H1-4: variants seen among roughly 807,000 people sequenced by gnomAD.
H1-4 encodes histone H1.4.
A neutral mutation model predicts 7.2 loss-of-function variants in H1-4; 9 were observed. The ratio of observed to expected loss-of-function variants is 1.25; its 90% CI spans 0.75 to 2.18. The LOEUF is 2.18. Among genes scored for constraint, H1-4 ranks in the 30% most tolerant of loss-of-function variants. The pLI is 0.00. For missense variants in H1-4, 646 were observed against 287.9 expected (o/e 2.24, Z -9.00); for synonymous variants, 318 against 126.6 (o/e 2.51, Z -10.15).
At position 26,156,387 on chromosome 6, in the gene H1-4, C is replaced by G. The variant is rs367916158; in HGVS notation, c.-4C>G. 6.4e-7 allele frequency: 1 copy of G among 1,562,766 alleles called. No individual in the cohort carries two copies. The highest frequency in any genetic ancestry group is 8.6e-7 in the Non-Finnish European group (1 of 1,157,042). ...AATTGCTCTCGCTCACGCTTGCCTT[C>G]AACATGTCCGAGACTGCGCCTGCCG... On this transcript the variant is annotated 5_prime_UTR_variant, in exon 1 of 1. Transcript: ENST00000304218.
In H1-4 at chr6:26,156,503, C is replaced by T. The variant is rs771979983; in HGVS notation, c.113C>T (p.Pro38Leu). The change falls in exon 1 of 1, where the codon CCC (proline) becomes CTC (leucine). Residue 38 changes from proline to leucine, a missense_variant. Transcript: ENST00000304218. ...AGAAKRKASG[P>L]PVSELITKAV... is the part of the protein sequence containing the mutation. ...GCGGCCAAGCGCAAAGCGTCTGGGCCCCCGGTGTCCGAGCTCATTACTAAA... is the reference window on the plus strand; with the variant it reads ...GCGGCCAAGCGCAAAGCGTCTGGGCTCCCGGTGTCCGAGCTCATTACTAAA... 1.1e-5 allele frequency: 18 copies of T among 1,613,636 alleles called. No individual in the cohort carries two copies. Among genetic ancestry groups the T allele is most frequent in the East Asian group, 2.2e-5 (1 of 44,876 alleles).
In H1-4 at chr6:26,156,465, C is replaced by G. The variant is rs374113105; in HGVS notation, c.75C>G (p.Arg25=). 1.6e-5 allele frequency: 25 copies of G among 1,612,702 alleles called. No individual in the cohort carries two copies. In the African/African-American group the frequency reaches 2.9e-4, roughly 19 times the overall value. ...AEKTPVKKKA[R]KSAGAAKRKA... ...AGACTCCCGTGAAGAAGAAGGCCCG[C>G]AAGTCTGCAGGTGCGGCCAAGCGCA... Residue 25 remains arginine, a synonymous_variant, in exon 1 of 1, where the codon CGC becomes CGG. Transcript: ENST00000304218.
Position 26,156,696 on chromosome 6 carries a change from G to A in H1-4, c.306G>A (p.Ser102=). The A allele has an allele frequency of 1.2e-6, 2 of 1,614,190 alleles. No individual in the cohort carries two copies. Among genetic ancestry groups the A allele is most frequent in the Non-Finnish European group, 1.7e-6 (2 of 1,180,034 alleles). The part of the protein sequence containing the change: ...TLVQTKGTGA[S]GSFKLNKKAA... ...TGCAGACCAAGGGCACCGGCGCGTC[G>A]GGTTCCTTCAAACTCAACAAGAAGG... The change falls in exon 1 of 1, where the codon TCG becomes TCA. Residue 102 remains serine, a synonymous_variant. Coordinates refer to ENST00000304218, the MANE Select transcript of H1-4 (RefSeq NM_005321.3).
Position 26,157,094 on chromosome 6 carries a change from A to G in H1-4, c.*44A>G, listed in dbSNP as rs1356542188. ...TGCTTAGAAGCCCAACACAACCCAA[A>G]GGCTCTTTTCAGAGCCACCCACCGC... On this transcript the variant is annotated 3_prime_UTR_variant, in exon 1 of 1. Coordinates refer to ENST00000304218, the MANE Select transcript of H1-4 (RefSeq NM_005321.3). The G allele has an allele frequency of 1.3e-6, 2 of 1,555,502 alleles. No individual in the cohort carries two copies. The highest frequency in any genetic ancestry group is 1.7e-6 in the Non-Finnish European group (2 of 1,160,304).
chr6:26,156,459 G>A lies in H1-4; in HGVS notation c.69G>A (p.Lys23=), dbSNP rs757889192. 1.4e-5 allele frequency: 22 copies of A among 1,612,140 alleles called. No homozygotes were observed. Among genetic ancestry groups the A allele is most frequent in the East Asian group, 4.5e-5 (2 of 44,850 alleles). Residue 23 remains lysine, a synonymous_variant, in exon 1 of 1, where the codon AAG becomes AAA. Transcript: ENST00000304218. Reference sequence around the variant, plus strand: ...CCGAGAAGACTCCCGTGAAGAAGAAGGCCCGCAAGTCTGCAGGTGCGGCCA... The same window carrying A: ...CCGAGAAGACTCCCGTGAAGAAGAAAGCCCGCAAGTCTGCAGGTGCGGCCA... The part of the protein sequence containing the change: ...APAEKTPVKK[K]ARKSAGAAKR...
rs766833286 is a variant in H1-4 at position 26,156,352 on chromosome 6, T to G, written c.-39T>G. ...CTCGAGTCCCGGCCAGTGCCTCTGCTTCCGGCTCGAATTGCTCTCGCTCAC... is the reference window on the plus strand; with the variant it reads ...CTCGAGTCCCGGCCAGTGCCTCTGCGTCCGGCTCGAATTGCTCTCGCTCAC... On this transcript the variant is annotated 5_prime_UTR_variant, in exon 1 of 1. Coordinates refer to ENST00000304218, the MANE Select transcript of H1-4 (RefSeq NM_005321.3). 1 of 1,513,398 alleles carries G rather than the reference T, an allele frequency of 6.6e-7. No homozygotes were observed. Among genetic ancestry groups the G allele is most frequent in the Non-Finnish European group, 8.8e-7 (1 of 1,135,176 alleles). The allele number at this position is 1,513,398 out of a possible 1,614,324, so 93.7% of individuals were successfully genotyped here.
rs755687564 is a variant in H1-4 at position 26,156,770 on chromosome 6, A to G, written c.380A>G (p.Lys127Arg). 3.1e-6 allele frequency: 5 copies of G among 1,613,226 alleles called. No homozygotes were observed. The highest frequency in any genetic ancestry group is 4.2e-6 in the Non-Finnish European group (5 of 1,179,684). The change falls in exon 1 of 1, where the codon AAG becomes AGG. Residue 127 changes from lysine (K) to arginine (R), a missense_variant. Coordinates refer to ENST00000304218, the MANE Select transcript of H1-4 (RefSeq NM_005321.3). ...KPKAKKAGAA[K>R]AKKPAGAAKK... Reference sequence around the variant, plus strand: ...AAGGCTAAAAAGGCAGGCGCGGCCAAGGCCAAGAAGCCAGCAGGAGCGGCG... The same window carrying G: ...AAGGCTAAAAAGGCAGGCGCGGCCAGGGCCAAGAAGCCAGCAGGAGCGGCG...
Position 26,156,330 on chromosome 6 carries a change from G to A in H1-4, c.-61G>A, listed in dbSNP as rs1056373336. 7.0e-5 allele frequency: 102 copies of A among 1,446,894 alleles called. No homozygotes were observed. Among genetic ancestry groups the A allele is most frequent in the Non-Finnish European group, 9.2e-5 (100 of 1,083,350 alleles). The allele number at this position is 1,446,894 out of a possible 1,614,324, so 89.6% of individuals were successfully genotyped here. On this transcript the variant is annotated 5_prime_UTR_variant, in exon 1 of 1. Transcript: ENST00000304218. ...ACGGGCGGGCGCAGCGCCGCGGCTCGAGTCCCGGCCAGTGCCTCTGCTTCC... is the reference window on the plus strand; with the variant it reads ...ACGGGCGGGCGCAGCGCCGCGGCTCAAGTCCCGGCCAGTGCCTCTGCTTCC...
Position 26,156,333 on chromosome 6 carries a change from T to TA in H1-4, c.-58_-57insA, listed in dbSNP as rs1764162229. 1.4e-6 allele frequency: 2 copies of TA among 1,460,928 alleles called. No individual in the cohort carries two copies. The highest frequency in any genetic ancestry group is 2.8e-5 in the African/African-American group (2 of 70,700). The allele number at this position is 1,460,928 out of a possible 1,614,324, so 90.5% of individuals were successfully genotyped here. On this transcript the variant is annotated 5_prime_UTR_variant, in exon 1 of 1. Transcript: ENST00000304218. ...GGCGGGCGCAGCGCCGCGGCTCGAG[T>TA]CCCGGCCAGTGCCTCTGCTTCCGGC...
In H1-4 at chr6:26,156,843, C is replaced by A. The variant is rs769049934; in HGVS notation, c.453C>A (p.Ala151=). The change falls in exon 1 of 1, where the codon GCC becomes GCA. Residue 151 remains alanine (A), a synonymous_variant. Coordinates refer to ENST00000304218, the MANE Select transcript of H1-4 (RefSeq NM_005321.3). The part of the protein sequence containing the change: ...ATGAATPKKS[A]KKTPKKAKKP... ...GGGCGGCCACCCCCAAGAAGAGCGC[C>A]AAGAAGACCCCAAAGAAGGCGAAGA... 1 of 1,606,688 alleles carries A rather than the reference C, an allele frequency of 6.2e-7. No individual in the cohort carries two copies. The highest frequency in any genetic ancestry group is 1.7e-5 in the Admixed American group (1 of 58,368).
rs781343491 is a variant in H1-4, at chr6:26,156,962, C to T, written c.572C>T (p.Ala191Val). 5.0e-6 allele frequency: 8 copies of T among 1,612,494 alleles called. No individual in the cohort carries two copies. Among genetic ancestry groups the T allele is most frequent in the South Asian group, 3.3e-5 (3 of 91,024 alleles). ...PKKAPKSPAKAKAVKPKAAKP... is the reference protein window; with the variant it reads ...PKKAPKSPAKVKAVKPKAAKP... ...AAGGCGCCCAAGAGCCCAGCGAAGGCCAAAGCAGTTAAACCCAAGGCGGCT... is the reference window on the plus strand; with the variant it reads ...AAGGCGCCCAAGAGCCCAGCGAAGGTCAAAGCAGTTAAACCCAAGGCGGCT... The change falls in exon 1 of 1, where the codon GCC becomes GTC. Residue 191 changes from alanine (A) to valine (V), a missense_variant. By Grantham distance (64) the Ala-to-Val change is moderately conservative. Transcript: ENST00000304218.
At position 26,156,824 on chromosome 6, in the gene H1-4, C is replaced by T. The variant is rs1385263553; in HGVS notation, c.434C>T (p.Ala145Val). Residue 145 changes from alanine (A) to valine (V), a missense_variant, in exon 1 of 1, where the codon GCC (alanine) becomes GTC (valine). Coordinates refer to ENST00000304218, the MANE Select transcript of H1-4 (RefSeq NM_005321.3). ...AKKPKKATGA[A>V]TPKKSAKKTP... Reference sequence around the variant, plus strand: ...AAGCCCAAGAAGGCGACGGGGGCGGCCACCCCCAAGAAGAGCGCCAAGAAG... The same window carrying T: ...AAGCCCAAGAAGGCGACGGGGGCGGTCACCCCCAAGAAGAGCGCCAAGAAG... The T allele has an allele frequency of 3.7e-6, 6 of 1,606,596 alleles. No homozygotes were observed. The highest frequency in any genetic ancestry group is 4.2e-6 in the Non-Finnish European group (5 of 1,176,746).
At position 26,156,639 on chromosome 6, in the gene H1-4, T is replaced by C. The variant is rs1436460662; in HGVS notation, c.249T>C (p.Gly83=). Residue 83 remains glycine (G), a synonymous_variant, in exon 1 of 1, where the codon GGT becomes GGC. Transcript: ENST00000304218. ...VEKNNSRIKL[G]LKSLVSKGTL... ...AGAACAACAGCCGCATCAAGCTGGG[T>C]CTCAAGAGCCTGGTGAGCAAGGGCA... The C allele has an allele frequency of 1.2e-5, 19 of 1,614,000 alleles. No individual in the cohort carries two copies. Among genetic ancestry groups the C allele is most frequent in the Non-Finnish European group, 1.5e-5 (18 of 1,180,042 alleles).
chr6:26,156,943 C>T lies in H1-4; in HGVS notation c.553C>T (p.Pro185Ser), dbSNP rs773174430. Residue 185 changes from proline (P) to serine (S), a missense_variant, in exon 1 of 1, where the codon CCC becomes TCC. Pro to Ser is a moderately conservative substitution (Grantham distance 74). Coordinates refer to ENST00000304218, the MANE Select transcript of H1-4 (RefSeq NM_005321.3). ...GAAAGCAGCCAAGCCAAAAAAGGCG[C>T]CCAAGAGCCCAGCGAAGGCCAAAGC... The part of the protein sequence containing the change: ...KAKAAKPKKA[P>S]KSPAKAKAVK... The T allele has an allele frequency of 5.0e-6, 8 of 1,612,442 alleles. No individual in the cohort carries two copies. Among genetic ancestry groups the T allele is most frequent in the Non-Finnish European group, 5.9e-6 (7 of 1,179,862 alleles).
Position 26,157,056 on chromosome 6 carries a change from TC to T in H1-4, c.*8del, listed in dbSNP as rs1377658283. ...CGGCAGCCAAGAAAAAGTAGAAAGT[TC>T]CTTTGGCCAACTGCTTAGAAGCCCA... On this transcript the variant is annotated 3_prime_UTR_variant, in exon 1 of 1. Transcript: ENST00000304218. 3.2e-6 allele frequency: 5 copies of T among 1,578,484 alleles called. No homozygotes were observed. In the Admixed American group the frequency reaches 6.2e-5, roughly 20 times the overall value.
Position 26,156,590 on chromosome 6 carries a change from C to T in H1-4, c.200C>T (p.Ala67Val), listed in dbSNP as rs1189577462. 1 of 1,614,224 alleles carries T rather than the reference C, an allele frequency of 6.2e-7. No homozygotes were observed. The highest frequency in any genetic ancestry group is 8.5e-7 in the Non-Finnish European group (1 of 1,180,028). The change falls in exon 1 of 1, where the codon GCA becomes GTA. Residue 67 changes from alanine (A) to valine (V), a missense_variant. Transcript: ENST00000304218. The part of the protein sequence containing the change: ...VSLAALKKAL[A>V]AAGYDVEKNN... ...TTGGCCGCTCTCAAGAAAGCGCTGG[C>T]AGCCGCTGGCTATGACGTGGAGAAG...
rs1581429650 is a variant in H1-4, at chr6:26,156,896, A to C, written c.506A>C (p.Lys169Thr). 6.2e-7 allele frequency: 1 copy of C among 1,610,596 alleles called. No individual in the cohort carries two copies. Among genetic ancestry groups the C allele is most frequent in the Non-Finnish European group, 8.5e-7 (1 of 1,179,026 alleles). The change falls in exon 1 of 1, where the codon AAA (lysine) becomes ACA (threonine). Residue 169 changes from lysine to threonine, a missense_variant. Transcript: ENST00000304218. The stretch of plus-strand genomic sequence containing the variant: ...CCGGCTGCAGCTGCTGGAGCCAAAA[A>C]AGCGAAAAGCCCGAAAAAGGCGAAA... ...KKPAAAAGAK[K>T]AKSPKKAKAA...
At position 26,156,675 on chromosome 6, in the gene H1-4, G is replaced by C. The variant is rs1405020579; in HGVS notation, c.285G>C (p.Gln95His). ...KSLVSKGTLVQTKGTGASGSF... is the reference protein window; with the variant it reads ...KSLVSKGTLVHTKGTGASGSF... The stretch of plus-strand genomic sequence containing the variant: ...TGGTGAGCAAGGGCACCCTGGTGCA[G>C]ACCAAGGGCACCGGCGCGTCGGGTT... Residue 95 changes from glutamine (Q) to histidine (H), a missense_variant, in exon 1 of 1, where the codon CAG becomes CAC. By Grantham distance (24) the Gln-to-His change is conservative. Coordinates refer to ENST00000304218, the MANE Select transcript of H1-4 (RefSeq NM_005321.3). The C allele has an allele frequency of 2.5e-6, 4 of 1,614,206 alleles. No individual in the cohort carries two copies. Among genetic ancestry groups the C allele is most frequent in the Non-Finnish European group, 3.4e-6 (4 of 1,180,014 alleles).
In H1-4 at chr6:26,156,494, C is replaced by G. The variant is rs753242501; in HGVS notation, c.104C>G (p.Ala35Gly). Residue 35 changes from alanine to glycine, a missense_variant, in exon 1 of 1, where the codon GCG (alanine) becomes GGG (glycine). By Grantham distance (60) the Ala-to-Gly change is moderately conservative. Transcript: ENST00000304218. ...RKSAGAAKRK[A>G]SGPPVSELIT... is the part of the protein sequence containing the mutation. Reference sequence around the variant, plus strand: ...TCTGCAGGTGCGGCCAAGCGCAAAGCGTCTGGGCCCCCGGTGTCCGAGCTC... The same window carrying G: ...TCTGCAGGTGCGGCCAAGCGCAAAGGGTCTGGGCCCCCGGTGTCCGAGCTC... 6.2e-7 allele frequency: 1 copy of G among 1,613,626 alleles called. No individual in the cohort carries two copies. Among genetic ancestry groups the G allele is most frequent in the East Asian group, 2.2e-5 (1 of 44,864 alleles).
Sources: allele counts gnomAD v4.1 joint callset, GRCh38; gene constraint gnomAD v4.1.1; transcripts MANE v1.5; gene names NCBI Gene and HGNC (gene_info 2026-07-23, HGNC 2026-07-21).